The following GFRAL variants were observed in gnomAD, a reference collection of about 807,000 sequenced individuals.
GFRAL encodes the protein GDNF family receptor alpha-like.
A neutral mutation model predicts 45.4 loss-of-function variants in GFRAL; 36 were observed. The observed-to-expected ratio is 0.79, with a 90% CI of 0.61 to 1.05. The LOEUF (loss-of-function observed/expected upper bound fraction) is 1.05. Ranked by LOEUF, GFRAL falls within the 50% of genes least tolerant of loss-of-function variation. The pLI, the probability that GFRAL is intolerant of heterozygous loss-of-function variation, is 0.00. For missense variants in GFRAL, 507 were observed against 467.5 expected (o/e 1.08, Z -0.78); for synonymous variants, 166 against 154.1 (o/e 1.08, Z -0.57).
Position 55,402,187 on chromosome 6 carries a change from C to T in GFRAL, c.*334C>T, listed in dbSNP as rs140582311. On this transcript the variant is annotated 3_prime_UTR_variant, in exon 9 of 9. Coordinates refer to ENST00000340465, the MANE Select transcript of GFRAL (RefSeq NM_207410.2). Reference sequence around the variant, plus strand: ...TAGAGATGGGGTTTTGCCAAATTGGCCAGGGTGGTCTCAAACTCCTGACCT... The same window carrying T: ...TAGAGATGGGGTTTTGCCAAATTGGTCAGGGTGGTCTCAAACTCCTGACCT... The T allele has an allele frequency of 6.0e-3, 1,093 of 182,076 alleles. 16 individuals carry two copies. The highest frequency in any genetic ancestry group is 0.026 in the African/African-American group (1,038 of 40,158). 11.3% of individuals were successfully genotyped at this position (182,076 alleles called of 1,614,324 possible).
rs1768863825 is a variant in GFRAL at position 55,399,172 on chromosome 6, T to C, written c.953-8T>C. 1.4e-6 allele frequency: 2 copies of C among 1,459,212 alleles called. No individual in the cohort carries two copies. The highest frequency in any genetic ancestry group is 2.1e-5 in the Admixed American group (1 of 47,272). The allele number at this position is 1,459,212 out of a possible 1,614,324, so 90.4% of individuals were successfully genotyped here. A position where few individuals can be genotyped will look rare whatever the true frequency, so the allele number is the denominator to read the frequency against. ...GTAACTAATCTCATTTTTATGATTT[T>C]CTTTCAGATTATCCAACCCTGTCTA... On this transcript the variant is annotated splice_region_variant and splice_polypyrimidine_tract_variant and intron_variant, in intron 6 of 8. Transcript: ENST00000340465.
At chr6:55,365,971 G>C (rs1768357081) in intron 6 of GFRAL, among the ~76,000 whole-genome samples, 2 of 147,500 alleles carry the variant, frequency 1.4e-5, no homozygotes, top group African/African-American at 5.1e-5. Flanking sequence ...AGTTAGGGAG[G>C]ATTCCCTCTT....
rs765450590 is a variant in GFRAL, at chr6:55,331,699, G to A, written c.23-16G>A. 6.3e-7 allele frequency: 1 copy of A among 1,590,956 alleles called. No individual in the cohort carries two copies. Among genetic ancestry groups the A allele is most frequent in the Admixed American group, 1.8e-5 (1 of 55,512 alleles). ...AAATTTATATTACAACCTTGTTTTT[G>A]TTGTTGTTATTCAAGCTATGGGGTT... On this transcript the variant is annotated splice_polypyrimidine_tract_variant and intron_variant, in intron 1 of 8. Coordinates refer to ENST00000340465, the MANE Select transcript of GFRAL (RefSeq NM_207410.2).
chr6:55,344,521 G>A (rs1024105236), intron 3 of GFRAL, among the ~76,000 whole-genome samples: 1 of 152,066 alleles, frequency 6.6e-6, no homozygotes, highest in South Asian at 2.1e-4. Context: ...CAATAAATTA[G>A]GTATTGATGG....
intron 3 of GFRAL, among the ~76,000 whole-genome samples, chr6:55,344,529 T>A (rs1282842431): frequency 6.6e-6 from 1 of 152,186 alleles, no homozygotes; most frequent in East Asian, 1.9e-4. Flanking sequence ...TAGGTATTGA[T>A]GGGATGTATC....
chr6:55,361,897 C>T (rs956014352), intron 6 of GFRAL, among the ~76,000 whole-genome samples: 1 of 151,960 alleles, frequency 6.6e-6, no homozygotes, highest in East Asian at 1.9e-4. Context: ...TGAAGGGAGG[C>T]TTTTCAGTTT....
At chr6:55,367,926 T>C (rs1768388256) in intron 6 of GFRAL, among the ~76,000 whole-genome samples, 1 of 148,576 alleles carries the variant, frequency 6.7e-6, no homozygotes, top group African/African-American at 2.5e-5. Context: ...TGTCTTGGAG[T>C]TGCTCTTCTC....
At chr6:55,331,402 G>C (rs886107270) in intron 1 of GFRAL, among the ~76,000 whole-genome samples, 2 of 152,060 alleles carry the variant, frequency 1.3e-5, no homozygotes, top group African/African-American at 4.8e-5. Flanking sequence ...CATTAAGTTA[G>C]ATTTTAAAGG....
chr6:55,360,162 A>G (rs933814025), intron 6 of GFRAL, among the ~76,000 whole-genome samples: 3 of 151,988 alleles, frequency 2.0e-5, no homozygotes, highest in Non-Finnish European at 4.4e-5. Flanking sequence ...GAAACAACCT[A>G]AGGATGTGAT....
At chr6:55,395,781 G>GAAA (rs34724941) in intron 6 of GFRAL, among the ~76,000 whole-genome samples, 19 of 137,428 alleles carry the variant, frequency 1.4e-4, no homozygotes, top group South Asian at 2.3e-4. Context: ...AAGGATTTTG[G>GAAA]AAAAAAAAAA....
At chr6:55,369,184 G>A (rs1406522680) in intron 6 of GFRAL, among the ~76,000 whole-genome samples, 1 of 152,112 alleles carries the variant, frequency 6.6e-6, no homozygotes, top group Non-Finnish European at 1.5e-5. Flanking sequence ...CGCAGTATTC[G>A]GGTGGGAGTG....
chr6:55,392,289 A>C (rs1768763390), intron 6 of GFRAL, among the ~76,000 whole-genome samples: 1 of 152,196 alleles, frequency 6.6e-6, no homozygotes, highest in African/African-American at 2.4e-5. Context: ...TTACGGGAGC[A>C]AGGTCATGCA....
chr6:55,334,509 C>T (rs1308767541), intron 3 of GFRAL, among the ~76,000 whole-genome samples: 1 of 152,126 alleles, frequency 6.6e-6, no homozygotes, highest in Non-Finnish European at 1.5e-5. Context: ...AAGAGATGTG[C>T]GAGATCAAAC....
At chr6:55,383,179 G>C (rs1329391490) in intron 6 of GFRAL, among the ~76,000 whole-genome samples, 4 of 151,934 alleles carry the variant, frequency 2.6e-5, no homozygotes, top group African/African-American at 9.7e-5. Context: ...GGTAGGGCCT[G>C]AGATATGCAT....
chr6:55,383,114 C>T (rs1275904259), intron 6 of GFRAL, among the ~76,000 whole-genome samples: 1 of 151,758 alleles, frequency 6.6e-6, no homozygotes, highest in Non-Finnish European at 1.5e-5. Flanking sequence ...CTTCATTGTT[C>T]ATAAGAATCA....
chr6:55,339,636 A>G (rs1314143265), intron 3 of GFRAL, among the ~76,000 whole-genome samples: 2 of 152,218 alleles, frequency 1.3e-5, no homozygotes, highest in African/African-American at 4.8e-5. Flanking sequence ...GAGGACATGA[A>G]GAAAATTGTC....
intron 3 of GFRAL, among the ~76,000 whole-genome samples, chr6:55,344,509 C>A (rs1362792189): frequency 1.3e-5 from 2 of 152,174 alleles, no homozygotes; most frequent in African/African-American, 4.8e-5. Flanking sequence ...GCTAAAAACT[C>A]TCAATAAATT....
chr6:55,397,784 A>T, intron 6 of GFRAL, among the ~76,000 whole-genome samples: 1 of 152,166 alleles, frequency 6.6e-6, no homozygotes. Context: ...GAGATAACTG[A>T]ATGGAACATT....
At chr6:55,368,348 T>G (rs1171130042) in intron 6 of GFRAL, among the ~76,000 whole-genome samples, 5 of 147,998 alleles carry the variant, frequency 3.4e-5, no homozygotes, top group Non-Finnish European at 6.0e-5. Flanking sequence ...TTCTTCTAAA[T>G]TTTTTTCAAA....
Sources: allele counts gnomAD v4.1 joint callset (sites outside exome capture counted in the v4.1 genomes callset), GRCh38; gene constraint gnomAD v4.1.1; transcripts MANE v1.5; gene names NCBI Gene and HGNC (gene_info 2026-07-23, HGNC 2026-07-21).